Variants in ELMO1 observed in about 807,000 individuals in gnomAD.
ELMO1 encodes engulfment and cell motility protein 1.
A neutral mutation model predicts 98.9 loss-of-function variants in ELMO1; 26 were observed. The ratio of observed to expected loss-of-function variants is 0.26; its 90% CI spans 0.19 to 0.36. The LOEUF (loss-of-function observed/expected upper bound fraction) is 0.36, where lower values mean the gene tolerates loss of function less well. Ranked by LOEUF, ELMO1 falls within the 10% of genes least tolerant of loss-of-function variation. The pLI is 1.00. For synonymous variants in ELMO1, 346 were observed against 346.0 expected, an observed-to-expected ratio of 1.00 and a Z score of 0.00; for missense variants, 627 against 935.2, an observed-to-expected ratio of 0.67 and a Z score of 4.30.
intron 6 of ELMO1, among the ~76,000 whole-genome samples, chr7:37,250,558 C>T (rs1266040532): frequency 4.0e-5 from 6 of 151,800 alleles, no homozygotes; most frequent in Non-Finnish European, 4.4e-5. Flanking sequence ...TTTGGGAGGC[C>T]GAGGCGGGTG....
intron 4 of ELMO1, among the ~76,000 whole-genome samples, chr7:37,292,814 C>T (rs1797800403): frequency 8.9e-6 from 1 of 112,250 alleles, no homozygotes; most frequent in Non-Finnish European, 2.0e-5. Context: ...CCCGCCCGGC[C>T]AGCCGCCCTG....
intron 16 of ELMO1, among the ~76,000 whole-genome samples, chr7:36,948,321 T>C (rs1178337553): frequency 2.0e-5 from 3 of 152,162 alleles, no homozygotes; most frequent in Admixed American, 2.0e-4. Context: ...GACATCATCA[T>C]GTGCAAAAGA....
chr7:37,241,570 T>C (rs955969495), intron 7 of ELMO1, among the ~76,000 whole-genome samples: 5 of 152,188 alleles, frequency 3.3e-5, no homozygotes, highest in African/African-American at 1.2e-4. Flanking sequence ...TATATTTTAT[T>C]CTACTTCTCT....
At chr7:36,865,990 T>G (rs1384987381) in intron 20 of ELMO1, among the ~76,000 whole-genome samples, 1 of 152,212 alleles carries the variant, frequency 6.6e-6, no homozygotes, top group Non-Finnish European at 1.5e-5. Context: ...TATTTCAGGT[T>G]TAAGCATCAC....
At position 37,378,128 on chromosome 7, in the gene ELMO1, T is replaced by C. The variant is rs1254371222; in HGVS notation, c.-73-35365A>G. 2.0e-5 allele frequency among the ~76,000 whole-genome samples: 3 copies of C among 152,136 alleles called. No individual in the cohort carries two copies. In the East Asian group the frequency reaches 5.8e-4, roughly 29 times the overall value. ...TTCAGAAACAAAATCCGGAGGTCCCTATGGATGGGTTGGTCCAGCTGATGG... is the reference window on the plus strand; with the variant it reads ...TTCAGAAACAAAATCCGGAGGTCCCCATGGATGGGTTGGTCCAGCTGATGG... On this transcript the variant is annotated intron_variant, in intron 1 of 21. Transcript: ENST00000310758.
At chr7:37,281,196 T>C (rs1797119556) in intron 4 of ELMO1, among the ~76,000 whole-genome samples, 2 of 147,304 alleles carry the variant, frequency 1.4e-5, no homozygotes, top group African/African-American at 5.0e-5. Context: ...CACAAAGGCA[T>C]AAGAATGATA....
In ELMO1 at chr7:36,875,790, A is replaced by T. The variant is rs1160591181; in HGVS notation, c.1822+2220T>A. The stretch of plus-strand genomic sequence containing the variant: ...GCATTAGCTTGTGGGCAAGACCAGG[A>T]ACTGCCCCTACACAAGGCTTTGTTG... On this transcript the variant is annotated intron_variant, in intron 19 of 21. Coordinates refer to ENST00000310758, the MANE Select transcript of ELMO1 (RefSeq NM_014800.11). Among the ~76,000 whole-genome samples, 10 of 152,128 alleles carry T rather than the reference A, an allele frequency of 6.6e-5. No individual in the cohort carries two copies. The East Asian group carries it at 1.5e-3, about 23-fold the overall frequency.
In ELMO1 at chr7:37,327,669, G is replaced by A. The variant is rs79410713; in HGVS notation, c.79-11709C>T. Among the ~76,000 whole-genome samples, 4 of 152,248 alleles carry A rather than the reference G, an allele frequency of 2.6e-5. No individual in the cohort carries two copies. In the East Asian group the frequency reaches 7.7e-4, roughly 29 times the overall value. ...TACTAGTTGGTCTGCGTGCTTTTGA[G>A]TGGATGTACTAATGGCAATTCATCC... is the stretch of plus-strand genomic sequence containing the variant. On this transcript the variant is annotated intron_variant, in intron 2 of 21. Transcript: ENST00000310758.
intron 17 of ELMO1, among the ~76,000 whole-genome samples, chr7:36,894,513 C>A (rs1005964824): frequency 6.6e-6 from 1 of 152,112 alleles, no homozygotes; most frequent in Non-Finnish European, 1.5e-5. Context: ...TCAAAGGGCA[C>A]CCACATGAAA....
At chr7:36,892,354 A>G (rs1344234913) in intron 17 of ELMO1, among the ~76,000 whole-genome samples, 1 of 152,186 alleles carries the variant, frequency 6.6e-6, no homozygotes, top group Non-Finnish European at 1.5e-5. Flanking sequence ...AAATCCCAAT[A>G]TCCTAACCCT....
At chr7:36,905,235 C>T (rs1206769021) in intron 16 of ELMO1, among the ~76,000 whole-genome samples, 2 of 152,134 alleles carry the variant, frequency 1.3e-5, no homozygotes, top group Admixed American at 6.5e-5. Flanking sequence ...TTTATCCATA[C>T]TTTGCCAAAC....
At chr7:37,020,849 T>C (rs1484698890) in intron 15 of ELMO1, among the ~76,000 whole-genome samples, 2 of 152,104 alleles carry the variant, frequency 1.3e-5, no homozygotes, top group East Asian at 3.9e-4. Flanking sequence ...ACAGGAAAAA[T>C]GGAATATATC....
chr7:37,403,446 G>GGGTGCATA (rs1200035125), intron 1 of ELMO1, among the ~76,000 whole-genome samples: 1 of 152,276 alleles, frequency 6.6e-6, no homozygotes, highest in East Asian at 1.9e-4. Flanking sequence ...GACGGTAGGG[G>GGGTGCATA]GGTGCATAGG....
At chr7:37,140,899 C>T (rs1376563961) in intron 13 of ELMO1, among the ~76,000 whole-genome samples, 5 of 152,058 alleles carry the variant, frequency 3.3e-5, no homozygotes, top group Non-Finnish European at 4.4e-5. Context: ...CTGGCATAGA[C>T]GCAGTGAAAA....
chr7:37,229,835 T>A (rs1051574583), intron 8 of ELMO1, among the ~76,000 whole-genome samples: 1 of 152,244 alleles, frequency 6.6e-6, no homozygotes, highest in Non-Finnish European at 1.5e-5. Flanking sequence ...TGCTGCTTTT[T>A]AAAAAATACT....
intron 16 of ELMO1, among the ~76,000 whole-genome samples, chr7:36,935,371 GC>G (rs1786432548): frequency 6.6e-6 from 1 of 152,002 alleles, no homozygotes; most frequent in African/African-American, 2.4e-5. Flanking sequence ...ATCTTTATCA[GC>G]CACACGTAAA....
chr7:37,103,245 A>C (rs75228574), intron 14 of ELMO1, among the ~76,000 whole-genome samples: 1,657 of 152,324 alleles, frequency 0.011, 30 homozygotes, highest in African/African-American at 0.038. Context: ...AGCTGTTGAA[A>C]AAGCACGACA....
At chr7:37,243,248 T>C (rs1168976465) in intron 7 of ELMO1, among the ~76,000 whole-genome samples, 1 of 152,214 alleles carries the variant, frequency 6.6e-6, no homozygotes, top group Non-Finnish European at 1.5e-5. Context: ...GGCCCCAAAT[T>C]CCTCTATATT....
At chr7:36,858,695 G>C (rs1042136388) in intron 21 of ELMO1, among the ~76,000 whole-genome samples, 4 of 152,198 alleles carry the variant, frequency 2.6e-5, no homozygotes, top group African/African-American at 9.7e-5. Context: ...AGAAGTGAGA[G>C]GTAGAGGGAG....
Sources: gnomAD v4.1 joint callset for allele counts (sites outside exome capture counted in the v4.1 genomes callset) on GRCh38, gnomAD v4.1.1 for gene constraint, MANE v1.5 for transcripts, NCBI Gene and HGNC (gene_info 2026-07-23, HGNC 2026-07-21) for gene names.